The following WDR27 variants were observed in gnomAD, a reference collection of about 807,000 sequenced individuals.
The protein encoded by WDR27 is WD repeat-containing protein 27.
Under a neutral mutation model 114.4 loss-of-function variants are expected in WDR27, and 100 were observed. That is an observed-to-expected ratio of 0.87 (90% CI 0.74 to 1.03). The LOEUF is 1.03. WDR27 is among the 50% of genes least tolerant of loss of function. The pLI is 0.00. For synonymous variants in WDR27, 449 were observed against 423.1 expected (o/e 1.06, Z -0.75); for missense variants, 1,129 against 1,092.9 (o/e 1.03, Z -0.47).
At chr6:169,568,783 A>G (rs1332954722) in intron 25 of WDR27, among the ~76,000 whole-genome samples, 1 of 152,190 alleles carries the variant, frequency 6.6e-6, no homozygotes, top group Non-Finnish European at 1.5e-5. Context: ...ACTGTTTTCC[A>G]GTATGCTTAG....
At chr6:169,560,827 C>T (rs1799579990) in intron 25 of WDR27, among the ~76,000 whole-genome samples, 1 of 152,168 alleles carries the variant, frequency 6.6e-6, no homozygotes, top group Admixed American at 6.5e-5. Flanking sequence ...CACACCATAT[C>T]AATCCACTCT....
chr6:169,477,886 G>T (rs1252638418), intron 25 of WDR27, among the ~76,000 whole-genome samples: 1 of 152,046 alleles, frequency 6.6e-6, no homozygotes, highest in Non-Finnish European at 1.5e-5. Context: ...ATAAAAATTA[G>T]AGCCAATCAA....
intron 1 of WDR27, among the ~76,000 whole-genome samples, chr6:169,699,092 AC>A (rs1787096290): frequency 6.6e-6 from 1 of 152,178 alleles, no homozygotes; most frequent in African/African-American, 2.4e-5. Context: ...CAGAAAACTT[AC>A]CACAGGCTTA....
At chr6:169,481,554 A>C (rs764890528) in intron 25 of WDR27, among the ~76,000 whole-genome samples, 1 of 152,172 alleles carries the variant, frequency 6.6e-6, no homozygotes, top group East Asian at 1.9e-4. Context: ...TGTAGCACTC[A>C]CCGCAAAAGT....
chr6:169,674,466 A>G (rs986638344), intron 2 of WDR27, among the ~76,000 whole-genome samples: 7 of 152,224 alleles, frequency 4.6e-5, no homozygotes, highest in African/African-American at 1.7e-4. Flanking sequence ...GATTAACTGC[A>G]TATTAGATGT....
At chr6:169,649,174 T>G in intron 15 of WDR27, 24 bp downstream of exon 15, 2 of 1,552,726 alleles carry the variant, frequency 1.3e-6, no homozygotes, top group African/African-American at 1.4e-5. Context: ...CAAATGTACT[T>G]GGAATGCACG....
chr6:169,645,047 A>T (rs4716336), intron 16 of WDR27, among the ~76,000 whole-genome samples: 11,114 of 127,908 alleles, frequency 0.087, 2,297 homozygotes, highest in South Asian at 0.23. Context: ...AAAAAAAAAA[A>T]AAAAAAAAAA....
At chr6:169,650,471 CCACT>C (rs1392446153) in intron 14 of WDR27, among the ~76,000 whole-genome samples, 1 of 148,002 alleles carries the variant, frequency 6.8e-6, no homozygotes, top group African/African-American at 2.5e-5. Context: ...ATCTATCCAC[CCACT>C]CATCCATCCG....
intron 9 of WDR27, among the ~76,000 whole-genome samples, chr6:169,661,506 C>T (rs968046230): frequency 6.6e-6 from 1 of 152,252 alleles, no homozygotes; most frequent in Non-Finnish European, 1.5e-5. Context: ...AGGCAGCACC[C>T]TGGGCTCCTC....
intron 22 of WDR27, among the ~76,000 whole-genome samples, chr6:169,612,631 T>TAAAAAA (rs59134868): frequency 0.012 from 1,086 of 92,708 alleles, 4 homozygotes; most frequent in Middle Eastern, 0.036. Context: ...CTGTCTAACA[T>TAAAAAA]AAAAAAAAAA....
chr6:169,525,626 C>T (rs551349209), intron 25 of WDR27, among the ~76,000 whole-genome samples: 2 of 151,844 alleles, frequency 1.3e-5, no homozygotes, highest in Admixed American at 1.3e-4. Flanking sequence ...AAAGAGGAAC[C>T]CTAATACACT....
chr6:169,428,208 A>C, the WDR27 span, among the ~76,000 whole-genome samples: 4 of 152,140 alleles, frequency 2.6e-5, no homozygotes, highest in Non-Finnish European at 5.9e-5. Context: ...CATTTTCTCC[A>C]GTGGAGAGCT....
At chr6:169,683,675 T>C (rs949349497) in intron 2 of WDR27, among the ~76,000 whole-genome samples, 1 of 152,220 alleles carries the variant, frequency 6.6e-6, no homozygotes, top group Non-Finnish European at 1.5e-5. Context: ...CTAGCCTCTG[T>C]AGCCCCAACT....
At chr6:169,549,139 C>T (rs552619590) in intron 25 of WDR27, among the ~76,000 whole-genome samples, 15 of 152,234 alleles carry the variant, frequency 9.9e-5, no homozygotes, top group South Asian at 8.3e-4. Flanking sequence ...AGAAAATAAA[C>T]GCAAAAGACA....
chr6:169,522,527 T>A (rs937849854), intron 25 of WDR27, among the ~76,000 whole-genome samples: 2 of 152,034 alleles, frequency 1.3e-5, no homozygotes, highest in African/African-American at 4.8e-5. Flanking sequence ...ACTCCTTTCA[T>A]CAGCACATGG....
intron 8 of WDR27, among the ~76,000 whole-genome samples, 190 bp from the exon 9 acceptor site, chr6:169,662,614 G>A (rs893122289): frequency 3.4e-5 from 5 of 148,370 alleles, no homozygotes; most frequent in African/African-American, 5.0e-5. Context: ...CTCGGATCAC[G>A]CGTCGAGGAA....
intron 1 of WDR27, among the ~76,000 whole-genome samples, chr6:169,701,085 G>A (rs1024199516): frequency 6.6e-6 from 1 of 152,202 alleles, no homozygotes; most frequent in Admixed American, 6.5e-5. Flanking sequence ...ACTGGAAGCT[G>A]TAGAGTTAAT....
intron 4 of WDR27, chr6:169,668,480 C>G (rs564449218): frequency 2.4e-5 from 8 of 338,584 alleles, no homozygotes; most frequent in Admixed American, 1.3e-4. Context: ...CTGTTCTCCA[C>G]CTAGGGCTTC....
Position 169,701,837 on chromosome 6 carries a change from C to T in WDR27, c.-294G>A, listed in dbSNP as rs1322001648. On this transcript the variant is annotated 5_prime_UTR_variant, in exon 1 of 26. Transcript: ENST00000448612. ...AACCGCGCAGCCCCCGCGCTCCAGC[C>T]CTGCGCCCTAGGCACACGCCCCAGA... 6.4e-6 allele frequency: 2 copies of T among 314,844 alleles called. No individual in the cohort carries two copies. The highest frequency in any genetic ancestry group is 1.2e-5 in the Non-Finnish European group (2 of 162,286). The allele number at this position is 314,844 out of a possible 1,614,324, so 19.5% of individuals were successfully genotyped here.
Sources: gnomAD v4.1 joint callset for allele counts (sites outside exome capture counted in the v4.1 genomes callset) on GRCh38, gnomAD v4.1.1 for gene constraint, MANE v1.5 for transcripts, NCBI Gene and HGNC (gene_info 2026-07-23, HGNC 2026-07-21) for gene names.